Variants in ARHGAP8 observed in about 807,000 individuals in gnomAD.
ARHGAP8 encodes the protein Rho GTPase activating protein 8.
A neutral mutation model predicts 46.1 loss-of-function variants in ARHGAP8; 62 were observed. That is an observed-to-expected ratio of 1.34 (90% CI 1.10 to 1.66). The LOEUF (loss-of-function observed/expected upper bound fraction) is 1.66, where lower values mean the gene tolerates loss of function less well. Among genes scored for constraint, ARHGAP8 ranks in the 40% most tolerant of loss-of-function variants. ARHGAP8 has a pLI of 0.00. For synonymous variants in ARHGAP8, 375 were observed against 243.1 expected (o/e 1.54, Z -5.05); for missense variants, 923 against 568.4 (o/e 1.62, Z -6.34).
At chr22:44,756,215 CCCGCTCCCTTCCCCTACCTGG>C (rs1292353223) in intron 1 of ARHGAP8, among the ~76,000 whole-genome samples, 1 of 152,046 alleles carries the variant, frequency 6.6e-6, no homozygotes, top group African/African-American at 2.4e-5. Context: ...TGGGTAGCTC[CCCGCTCCCTTCCCCTACCTGG>C]CCGTAAAATG....
At chr22:44,765,092 G>T (rs1281210750) in intron 1 of ARHGAP8, 3 of 152,378 alleles carry the variant, frequency 2.0e-5, no homozygotes, top group African/African-American at 7.2e-5. Flanking sequence ...GAGGTGCTGG[G>T]CTCTGGGCAG....
rs1195971545 is a variant in ARHGAP8, at chr22:44,802,058, C to T, written c.80-19C>T. Reference sequence around the variant, plus strand: ...TAGGAGAAGGTGGCACAGAGGCTCACCTGTGTCTGCTCCTCCAGGGGATGA... The same window carrying T: ...TAGGAGAAGGTGGCACAGAGGCTCATCTGTGTCTGCTCCTCCAGGGGATGA... On this transcript the variant is annotated intron_variant, in intron 2 of 11. Transcript: ENST00000356099. The T allele has an allele frequency of 1.2e-6, 2 of 1,613,764 alleles. No homozygotes were observed. Among genetic ancestry groups the T allele is most frequent in the South Asian group, 1.1e-5 (1 of 91,046 alleles).
chr22:44,845,426 C>T, intron 8 of ARHGAP8, 84 bp downstream of exon 8: 1 of 1,581,978 alleles, frequency 6.3e-7, no homozygotes, highest in Non-Finnish European at 8.6e-7. Flanking sequence ...TCCTGAGCAC[C>T]CACAAGCCAG....
At chr22:44,857,410 C>T (rs1277074576) in intron 10 of ARHGAP8, among the ~76,000 whole-genome samples, 1 of 152,072 alleles carries the variant, frequency 6.6e-6, no homozygotes, top group Non-Finnish European at 1.5e-5. Flanking sequence ...TTGGTGGGGG[C>T]CCTGTTGCTT....
At chr22:44,766,789 C>G (rs553148524) in intron 1 of ARHGAP8, among the ~76,000 whole-genome samples, 69 of 152,120 alleles carry the variant, frequency 4.5e-4, no homozygotes, top group African/African-American at 1.6e-3. Context: ...GGGCAGGGTT[C>G]TTGCTCCATC....
intron 7 of ARHGAP8, among the ~76,000 whole-genome samples, chr22:44,844,002 G>C (rs1391602785): frequency 6.6e-6 from 1 of 152,174 alleles, no homozygotes. Flanking sequence ...TTGAAGTCTT[G>C]CTCTGTCATC....
chr22:44,837,774 C>T (rs1424417370), intron 7 of ARHGAP8, among the ~76,000 whole-genome samples: 1 of 152,110 alleles, frequency 6.6e-6, no homozygotes, highest in Non-Finnish European at 1.5e-5. Flanking sequence ...TGCCGGGGCC[C>T]TGTTCTTCCG....
intron 2 of ARHGAP8, among the ~76,000 whole-genome samples, chr22:44,797,019 C>T (rs1185037132): frequency 6.6e-6 from 1 of 152,104 alleles, no homozygotes; most frequent in Non-Finnish European, 1.5e-5. Flanking sequence ...GGGCATAGAC[C>T]TCCCATTTCC....
chr22:44,768,011 TTTTTG>T, intron 1 of ARHGAP8, among the ~76,000 whole-genome samples: 1 of 120,114 alleles, frequency 8.3e-6, no homozygotes, highest in South Asian at 3.3e-4. Context: ...TTTTTTTTTT[TTTTTG>T]TGAGACAGAG....
At chr22:44,789,862 A>G (rs957667883) in intron 2 of ARHGAP8, among the ~76,000 whole-genome samples, 3 of 152,190 alleles carry the variant, frequency 2.0e-5, no homozygotes, top group Non-Finnish European at 4.4e-5. Context: ...TGATACTAAT[A>G]TAGCCAAGAC....
chr22:44,859,874 G>T, intron 11 of ARHGAP8, 40 bp downstream of exon 11: 1 of 1,603,836 alleles, frequency 6.2e-7, no homozygotes. Flanking sequence ...AAGCCCAGTG[G>T]CCTTCCCTCC....
At chr22:44,838,058 C>G (rs1193255047) in intron 7 of ARHGAP8, among the ~76,000 whole-genome samples, 4 of 152,126 alleles carry the variant, frequency 2.6e-5, no homozygotes, top group African/African-American at 9.7e-5. Context: ...GCTGCAGCCT[C>G]CACCTCCCGG....
At position 44,860,817 on chromosome 22, in the gene ARHGAP8, G is replaced by C. The variant is rs1019515112; in HGVS notation, c.981+983G>C. 4.6e-5 allele frequency among the ~76,000 whole-genome samples: 7 copies of C among 152,288 alleles called. 1 individual carries two copies. The South Asian group carries it at 1.5e-3, about 32-fold the overall frequency. The stretch of plus-strand genomic sequence containing the variant: ...CCCCAACCCCCAGACCCACGGCCTT[G>C]AATGTTTAACCCCCTCCATCTCTCC... On this transcript the variant is annotated intron_variant, in intron 11 of 11. Coordinates refer to ENST00000356099, the MANE Select transcript of ARHGAP8 (RefSeq NM_181335.3).
intron 7 of ARHGAP8, among the ~76,000 whole-genome samples, chr22:44,841,375 G>T (rs1931642267): frequency 6.6e-6 from 1 of 152,148 alleles, no homozygotes; most frequent in Middle Eastern, 3.2e-3. Flanking sequence ...ACCCTGGGAG[G>T]CAGGTGCTAG....
At chr22:44,845,964 C>G (rs188223171) in intron 8 of ARHGAP8, among the ~76,000 whole-genome samples, 1 of 152,164 alleles carries the variant, frequency 6.6e-6, no homozygotes, top group African/African-American at 2.4e-5. Flanking sequence ...TGGTCTCCAG[C>G]CTGGGTGCTG....
At chr22:44,795,801 C>T (rs1466207576) in intron 2 of ARHGAP8, among the ~76,000 whole-genome samples, 1 of 152,148 alleles carries the variant, frequency 6.6e-6, no homozygotes, top group Admixed American at 6.5e-5. Flanking sequence ...CAGGACACCT[C>T]CCGGGACCCA....
At chr22:44,846,532 C>G (rs1218578554) in intron 8 of ARHGAP8, among the ~76,000 whole-genome samples, 1 of 152,200 alleles carries the variant, frequency 6.6e-6, no homozygotes, top group Non-Finnish European at 1.5e-5. Flanking sequence ...TCACGATGCT[C>G]AGCTGGCAGG....
intron 10 of ARHGAP8, among the ~76,000 whole-genome samples, chr22:44,854,826 CGG>C (rs2070182086): frequency 6.6e-6 from 1 of 151,982 alleles, no homozygotes; most frequent in Non-Finnish European, 1.5e-5. Context: ...GTTGTAGAGA[CGG>C]GGTTTCACCA....
chr22:44,783,109 G>A (rs1243405928), intron 1 of ARHGAP8, among the ~76,000 whole-genome samples: 6 of 129,258 alleles, frequency 4.6e-5, no homozygotes, highest in African/African-American at 1.8e-4. Flanking sequence ...CCATGTTTCT[G>A]CTCAATCTTC....
Sources: gnomAD v4.1 joint callset for allele counts (sites outside exome capture counted in the v4.1 genomes callset) on GRCh38, gnomAD v4.1.1 for gene constraint, MANE v1.5 for transcripts, NCBI Gene and HGNC (gene_info 2026-07-23, HGNC 2026-07-21) for gene names.